Variants in LOXL2 observed in about 807,000 individuals in gnomAD.
LOXL2 encodes lysyl oxidase like 2.
LOXL2 carries 70 observed loss-of-function variants against 93.0 expected under a neutral mutation model. That is an observed-to-expected ratio of 0.75 (90% CI 0.62 to 0.92). LOXL2 has a LOEUF of 0.92. Ranked by LOEUF, LOXL2 falls within the 40% of genes least tolerant of loss-of-function variation. The probability of loss-of-function intolerance (pLI) is 0.00; values close to 1 mark genes in which losing one functional copy is unlikely to be tolerated. For synonymous variants in LOXL2, 438 were observed against 413.2 expected (o/e 1.06, Z -0.73); for missense variants, 973 against 1,054.9 (o/e 0.92, Z 1.08).
At position 23,375,113 on chromosome 8, in the gene LOXL2, A is replaced by G. The variant is rs1307632296; in HGVS notation, c.-83-6679T>C. Among the ~76,000 whole-genome samples, 4 of 152,132 alleles carry G rather than the reference A, an allele frequency of 2.6e-5. No homozygotes were observed. The East Asian group carries it at 7.7e-4, about 29-fold the overall frequency. On this transcript the variant is annotated intron_variant, in intron 1 of 13. Transcript: ENST00000389131. ...TTAAGTCTTTAATCCATCTTGAATTAATTTTTGTATAAGGTGTAACGAAGG... is the reference window on the plus strand; with the variant it reads ...TTAAGTCTTTAATCCATCTTGAATTGATTTTTGTATAAGGTGTAACGAAGG...
chr8:23,388,976 C>A (rs1177546859), intron 1 of LOXL2, among the ~76,000 whole-genome samples: 1 of 152,098 alleles, frequency 6.6e-6, no homozygotes, highest in African/African-American at 2.4e-5. Context: ...TTACAATTGT[C>A]CAACAAGCAT....
At position 23,316,973 on chromosome 8, in the gene LOXL2, C is replaced by A. The variant is rs373023981; in HGVS notation, c.1612G>T (p.Gly538Trp). 42 of 1,609,932 alleles carry A rather than the reference C, an allele frequency of 2.6e-5. No homozygotes were observed. The highest frequency in any genetic ancestry group is 2.0e-5 in the Non-Finnish European group (23 of 1,177,696). ...VACPQGGVQY[G>W]AGVACSETAP... is the part of the protein sequence containing the mutation. The stretch of plus-strand genomic sequence containing the variant: ...CTTTCTGAGCAGGCAACTCCGGCCC[C>A]GTACTGCACTCCGCCCTGGGGGCAG... Residue 538 changes from glycine (G) to tryptophan (W), a missense_variant, in exon 9 of 14, where the codon GGG becomes TGG. Coordinates refer to ENST00000389131, the MANE Select transcript of LOXL2 (RefSeq NM_002318.3).
chr8:23,385,091 C>T (rs964413041), intron 1 of LOXL2, among the ~76,000 whole-genome samples: 4 of 152,082 alleles, frequency 2.6e-5, no homozygotes, highest in African/African-American at 9.7e-5. Flanking sequence ...AAAGACTTTC[C>T]TATTCTCTGC....
chr8:23,303,618 C>G (rs868353361), intron 10 of LOXL2, among the ~76,000 whole-genome samples: 5 of 152,162 alleles, frequency 3.3e-5, no homozygotes, highest in Non-Finnish European at 7.3e-5. Context: ...GCTAAGCCTC[C>G]GTCCTCTCCT....
At chr8:23,352,238 C>G (rs1023865179) in intron 3 of LOXL2, among the ~76,000 whole-genome samples, 1 of 152,240 alleles carries the variant, frequency 6.6e-6, no homozygotes, top group Non-Finnish European at 1.5e-5. Context: ...TGGGCCTCCA[C>G]CATGGGTCCT....
At position 23,333,488 on chromosome 8, in the gene LOXL2, ATTCTCGCAGG is replaced by A. The variant is rs755913812; in HGVS notation, c.869_878del (p.Thr290MetfsTer7). Reference sequence around the variant, plus strand: ...CACAACTCACCACGGCCGGTAGCCCATTCTCGCAGGTGACATTCTTCATGGGGTCCAGTGA... The same window carrying A: ...CACAACTCACCACGGCCGGTAGCCCATGACATTCTTCATGGGGTCCAGTGA... On this transcript the variant is annotated frameshift_variant, in exon 5 of 14. Transcript: ENST00000389131. LOFTEE classifies it high-confidence loss of function. 4 of 1,613,986 alleles carry A rather than the reference ATTCTCGCAGG, an allele frequency of 2.5e-6. No homozygotes were observed. Among genetic ancestry groups the A allele is most frequent in the Non-Finnish European group, 2.5e-6 (3 of 1,180,036 alleles).
intron 9 of LOXL2, among the ~76,000 whole-genome samples, chr8:23,314,049 C>T (rs1176397710): frequency 2.0e-5 from 3 of 149,468 alleles, no homozygotes; most frequent in Admixed American, 6.8e-5. Context: ...AAAATGCTCA[C>T]CATCACTGGC....
intron 1 of LOXL2, among the ~76,000 whole-genome samples, chr8:23,397,170 A>C (rs1407571080): frequency 3.3e-5 from 5 of 152,158 alleles, no homozygotes; most frequent in Non-Finnish European, 4.4e-5. Context: ...CAGAGACAGA[A>C]AGTAGAATGG....
At chr8:23,305,859 T>G (rs1167201582) in intron 10 of LOXL2, among the ~76,000 whole-genome samples, 1 of 151,918 alleles carries the variant, frequency 6.6e-6, no homozygotes, top group Non-Finnish European at 1.5e-5. Flanking sequence ...TCACCCAGGC[T>G]GGAGTGCAGT....
intron 2 of LOXL2, chr8:23,365,085 G>A (rs1344006739): frequency 6.6e-6 from 1 of 152,234 alleles, no homozygotes; most frequent in African/African-American, 2.4e-5. Flanking sequence ...TGAGCTCAGA[G>A]ATGCTTTGGG....
intron 6 of LOXL2, among the ~76,000 whole-genome samples, chr8:23,327,164 G>A (rs2117164762): frequency 6.6e-6 from 1 of 152,332 alleles, no homozygotes; most frequent in African/African-American, 2.4e-5. Context: ...CCCTGTAAGA[G>A]CTGACCCACT....
chr8:23,373,280 T>C (rs902630333), intron 1 of LOXL2, among the ~76,000 whole-genome samples: 1 of 152,210 alleles, frequency 6.6e-6, no homozygotes, highest in Non-Finnish European at 1.5e-5. Flanking sequence ...TGATTGTTCA[T>C]GGTCTGAACT....
Position 23,333,478 on chromosome 8 carries a change from C to T in LOXL2, c.889G>A (p.Ala297Thr). Residue 297 changes from alanine to threonine, a missense_variant, in exon 5 of 14, where the codon GCC (alanine) becomes ACC (threonine). Physicochemically the swap from Ala to Thr is moderately conservative, Grantham distance 58 (BLOSUM62 0). Transcript: ENST00000389131. ...TGCCCAGGCACACAACTCACCACGG[C>T]CGGTAGCCCATTCTCGCAGGTGACA... ...KNVTCENGLP[A>T]VVSCVPGQVF... 1 of 1,613,996 alleles carries T rather than the reference C, an allele frequency of 6.2e-7. No individual in the cohort carries two copies. Among genetic ancestry groups the T allele is most frequent in the South Asian group, 1.1e-5 (1 of 91,088 alleles).
At chr8:23,395,740 C>T (rs1208470768) in intron 1 of LOXL2, among the ~76,000 whole-genome samples, 1 of 152,066 alleles carries the variant, frequency 6.6e-6, no homozygotes, top group Non-Finnish European at 1.5e-5. Flanking sequence ...TACTCTGTCG[C>T]CCAGGCTGGA....
intron 10 of LOXL2, among the ~76,000 whole-genome samples, chr8:23,305,839 T>G (rs1803222134): frequency 6.7e-6 from 1 of 150,218 alleles, no homozygotes; most frequent in Non-Finnish European, 1.5e-5. Flanking sequence ...TGAGATGGAG[T>G]CTTACTCCAT....
rs765731165 is a variant in LOXL2, at chr8:23,298,997, T to A, written c.2134-50A>T. ...GCTGCTTGTTCCCTCTGCGGCCACC[T>A]CCACCCAGGCCTGGGGCTCTGAGAG... On this transcript the variant is annotated intron_variant, in intron 12 of 13. Coordinates refer to ENST00000389131, the MANE Select transcript of LOXL2 (RefSeq NM_002318.3). 3 of 1,104,256 alleles carry A rather than the reference T, an allele frequency of 2.7e-6. No homozygotes were observed. In the South Asian group the frequency reaches 3.7e-5, roughly 14 times the overall value. 68.4% of individuals were successfully genotyped at this position (1,104,256 alleles called of 1,614,324 possible). A position where few individuals can be genotyped will look rare whatever the true frequency, so the allele number is the denominator to read the frequency against.
intron 7 of LOXL2, among the ~76,000 whole-genome samples, chr8:23,321,494 G>A (rs1803497329): frequency 6.6e-6 from 1 of 152,206 alleles, no homozygotes; most frequent in Non-Finnish European, 1.5e-5. Context: ...TGGTAACCGT[G>A]TGGCTTTCTG....
intron 2 of LOXL2, among the ~76,000 whole-genome samples, chr8:23,367,421 A>C (rs1804421347): frequency 6.6e-6 from 1 of 152,186 alleles, no homozygotes; most frequent in African/African-American, 2.4e-5. Context: ...TAGGCTAACC[A>C]ACGGTGAAAA....
chr8:23,379,658 C>T (rs1231362795), intron 1 of LOXL2, among the ~76,000 whole-genome samples: 4 of 143,396 alleles, frequency 2.8e-5, no homozygotes, highest in African/African-American at 1.0e-4. Context: ...CCCCAGCCGC[C>T]TTGCTGCCTC....
Sources: allele counts gnomAD v4.1 joint callset (sites outside exome capture counted in the v4.1 genomes callset), GRCh38; gene constraint gnomAD v4.1.1; transcripts MANE v1.5; gene names NCBI Gene and HGNC (gene_info 2026-07-23, HGNC 2026-07-21).